The following EYS variants were observed in gnomAD, a reference collection of about 807,000 sequenced individuals.
The protein encoded by EYS is EGF-like photoreceptor maintenance factor.
Under a neutral mutation model 282.1 loss-of-function variants are expected in EYS, and 250 were observed. The ratio of observed to expected loss-of-function variants is 0.89; its 90% confidence interval spans 0.80 to 0.98. The LOEUF (loss-of-function observed/expected upper bound fraction) is 0.98, where lower values mean the gene tolerates loss of function less well. EYS is among the 50% of genes least tolerant of loss of function. The probability of loss-of-function intolerance (pLI) is 0.00; values close to 1 mark genes in which losing one functional copy is unlikely to be tolerated. For synonymous variants in EYS, 1,355 were observed against 1,282.9 expected, an observed-to-expected ratio of 1.06 and a Z score of -1.20; for missense variants, 4,016 against 3,709.0, an observed-to-expected ratio of 1.08 and a Z score of -2.15.
chr6:65,081,651 T>C (rs12216379), intron 12 of EYS, among the ~76,000 whole-genome samples: 7,027 of 152,134 alleles, frequency 0.046, 204 homozygotes, highest in Middle Eastern at 0.075. Context: ...CATTGTTTTC[T>C]TTTTGATTGG....
intron 36 of EYS, among the ~76,000 whole-genome samples, chr6:63,810,195 A>C (rs979925805): frequency 7.0e-6 from 1 of 141,926 alleles, no homozygotes; most frequent in Admixed American, 7.3e-5. Flanking sequence ...CGCGAGACGG[A>C]GGTTGCAGTG....
At chr6:64,408,132 A>T (rs9451498) in intron 28 of EYS, among the ~76,000 whole-genome samples, 3,557 of 152,194 alleles carry the variant, frequency 0.023, 71 homozygotes, top group African/African-American at 0.059. Context: ...TGGAGAAGGA[A>T]TGGTTTAATG....
intron 34 of EYS, among the ~76,000 whole-genome samples, chr6:63,998,424 T>C (rs894729886): frequency 2.0e-5 from 3 of 152,200 alleles, no homozygotes; most frequent in African/African-American, 7.2e-5. Flanking sequence ...CAGTGCATAG[T>C]GGCTGCTTTA....
At chr6:65,621,590 G>C (rs1489632822) in intron 2 of EYS, among the ~76,000 whole-genome samples, 2 of 150,814 alleles carry the variant, frequency 1.3e-5, no homozygotes, top group Non-Finnish European at 2.9e-5. Context: ...ATTTGATCCT[G>C]TCATTATGAT....
intron 35 of EYS, among the ~76,000 whole-genome samples, chr6:63,908,003 C>T (rs1237563658): frequency 6.4e-5 from 4 of 62,682 alleles, no homozygotes; most frequent in African/African-American, 2.5e-4. Flanking sequence ...CACACACACA[C>T]ACACAAACGT....
intron 35 of EYS, among the ~76,000 whole-genome samples, chr6:63,969,997 C>G (rs1766479505): frequency 6.6e-6 from 1 of 152,158 alleles, no homozygotes; most frequent in South Asian, 2.1e-4. Context: ...GTACCCAACC[C>G]TGACTCTCCC....
rs539366057 is a variant in EYS, at chr6:64,028,515, C to T, written c.6726-29332G>A. 7.9e-5 allele frequency among the ~76,000 whole-genome samples: 12 copies of T among 152,292 alleles called. No individual in the cohort carries two copies. In the East Asian group the frequency reaches 2.1e-3, roughly 27 times the overall value. On this transcript the variant is annotated intron_variant, in intron 33 of 42. Transcript: ENST00000503581. ...ACCCAACCCCTATATCCTGCTCTCT[C>T]AAATACCAGAGGAAGCAGAATGGTT...
At chr6:65,428,614 A>T (rs1767753555) in intron 5 of EYS, among the ~76,000 whole-genome samples, 1 of 152,076 alleles carries the variant, frequency 6.6e-6, no homozygotes, top group Admixed American at 6.6e-5. Flanking sequence ...TTAACAGACA[A>T]GATAATGGAC....
At chr6:65,484,527 T>C (rs1407386726) in intron 5 of EYS, among the ~76,000 whole-genome samples, 1 of 152,148 alleles carries the variant, frequency 6.6e-6, no homozygotes, top group African/African-American at 2.4e-5. Context: ...GTATCAATCA[T>C]TCAAAGACAG....
intron 12 of EYS, among the ~76,000 whole-genome samples, chr6:65,089,407 G>A (rs1050252761): frequency 6.6e-6 from 1 of 152,170 alleles, no homozygotes; most frequent in Non-Finnish European, 1.5e-5. Flanking sequence ...GGTCAAAGGA[G>A]ATAGTTTTGG....
chr6:64,724,819 T>C (rs1771698345), intron 22 of EYS, among the ~76,000 whole-genome samples: 1 of 152,120 alleles, frequency 6.6e-6, no homozygotes, highest in Non-Finnish European at 1.5e-5. Flanking sequence ...AACATTCTAA[T>C]AATACAAGTA....
chr6:65,054,892 C>T (rs1406719228), intron 13 of EYS, among the ~76,000 whole-genome samples: 1 of 151,940 alleles, frequency 6.6e-6, no homozygotes, highest in African/African-American at 2.4e-5. Context: ...GATTACCTAA[C>T]ATTTCTATTC....
In EYS at chr6:64,043,716, AAT is replaced by A. The variant is rs1770494931; in HGVS notation, c.6725+22620_6725+22621del. 2.0e-5 allele frequency among the ~76,000 whole-genome samples: 3 copies of A among 152,224 alleles called. No individual in the cohort carries two copies. The South Asian group carries it at 6.2e-4, about 32-fold the overall frequency. Reference sequence around the variant, plus strand: ...ACTGATCTACTCCAAGTATCCTTATAATACTCTCTAACACTGTTTTGCTGTAG... The same window carrying A: ...ACTGATCTACTCCAAGTATCCTTATAACTCTCTAACACTGTTTTGCTGTAG... On this transcript the variant is annotated intron_variant, in intron 33 of 42. Transcript: ENST00000503581.
chr6:65,626,231 G>T (rs538175589), intron 2 of EYS, among the ~76,000 whole-genome samples: 2 of 152,092 alleles, frequency 1.3e-5, no homozygotes, highest in Non-Finnish European at 2.9e-5. Flanking sequence ...GTGATTATTT[G>T]GTTCTTGTAT....
intron 5 of EYS, among the ~76,000 whole-genome samples, chr6:65,440,529 A>G (rs765989432): frequency 3.5e-4 from 53 of 151,830 alleles, no homozygotes; most frequent in Non-Finnish European, 4.6e-4. Flanking sequence ...ATAGAGTTTG[A>G]GAAACATATT....
chr6:64,279,963 C>G (rs1768248009), intron 30 of EYS, among the ~76,000 whole-genome samples: 1 of 152,086 alleles, frequency 6.6e-6, no homozygotes, highest in African/African-American at 2.4e-5. Context: ...TTCTTTATTT[C>G]TTTGGTGCTC....
chr6:64,159,465 C>G (rs1170502459), intron 31 of EYS, among the ~76,000 whole-genome samples: 1 of 145,786 alleles, frequency 6.9e-6, no homozygotes, highest in East Asian at 2.0e-4. Context: ...GAGGCTGAAG[C>G]AGGACAATGG....
chr6:65,118,337 C>T (rs912638587), intron 12 of EYS, among the ~76,000 whole-genome samples: 6 of 146,196 alleles, frequency 4.1e-5, no homozygotes, highest in African/African-American at 1.3e-4. Flanking sequence ...AAAATGCATC[C>T]GAATTATGAA....
intron 36 of EYS, chr6:63,806,960 G>T (rs908450610): frequency 6.6e-6 from 1 of 152,172 alleles, no homozygotes; most frequent in Non-Finnish European, 1.5e-5. Flanking sequence ...TTGCTGAGAT[G>T]CTTCTTAAGT....
Sources: gnomAD v4.1 joint callset for allele counts (sites outside exome capture counted in the v4.1 genomes callset) on GRCh38, gnomAD v4.1.1 for gene constraint, MANE v1.5 for transcripts, NCBI Gene and HGNC (gene_info 2026-07-23, HGNC 2026-07-21) for gene names.